SPOCK1: variants seen among roughly 807,000 people sequenced by gnomAD.
SPOCK1 encodes the protein testican-1.
A neutral mutation model predicts 55.3 loss-of-function variants in SPOCK1; 23 were observed. That is an observed-to-expected ratio of 0.42 (90% CI 0.30 to 0.59). SPOCK1 has a LOEUF of 0.59. Among genes scored for constraint, SPOCK1 ranks in the 20% least tolerant of loss-of-function variants. The probability of loss-of-function intolerance (pLI) is 0.22; values close to 1 mark genes in which losing one functional copy is unlikely to be tolerated. For missense variants in SPOCK1, 499 were observed against 552.5 expected (o/e 0.90, Z 0.97); for synonymous variants, 226 against 221.0 (o/e 1.02, Z -0.20).
chr5:137,364,023 C>G (rs1468475117), intron 2 of SPOCK1, among the ~76,000 whole-genome samples: 5 of 152,218 alleles, frequency 3.3e-5, no homozygotes, highest in African/African-American at 1.2e-4. Context: ...TCCCAGGGCC[C>G]TGCACCTGCC....
At chr5:137,201,057 A>G (rs1427865679) in intron 3 of SPOCK1, among the ~76,000 whole-genome samples, 7 of 152,224 alleles carry the variant, frequency 4.6e-5, no homozygotes, top group Non-Finnish European at 1.5e-5. Context: ...AATAACAACA[A>G]AAAGGAAACA....
intron 4 of SPOCK1, among the ~76,000 whole-genome samples, chr5:137,133,334 C>T (rs1371265921): frequency 1.3e-5 from 2 of 149,692 alleles, no homozygotes; most frequent in African/African-American, 4.9e-5. Flanking sequence ...TGCACCACTG[C>T]ACTCCAGCCT....
chr5:137,347,962 T>TAGG (rs1750596807), intron 2 of SPOCK1, among the ~76,000 whole-genome samples: 1 of 152,304 alleles, frequency 6.6e-6, no homozygotes, highest in Non-Finnish European at 1.5e-5. Flanking sequence ...AAAATGCACA[T>TAGG]TCTGATTCAG....
chr5:137,120,856 A>G (rs1344000790), intron 4 of SPOCK1, among the ~76,000 whole-genome samples: 1 of 152,216 alleles, frequency 6.6e-6, no homozygotes, highest in Non-Finnish European at 1.5e-5. Context: ...TAAAGAAACC[A>G]AAGTTGTCAC....
At chr5:137,045,025 T>G (rs1177664331) in intron 6 of SPOCK1, among the ~76,000 whole-genome samples, 2 of 135,288 alleles carry the variant, frequency 1.5e-5, no homozygotes, top group African/African-American at 2.8e-5. Flanking sequence ...TGCCACATTT[T>G]CTTAATCCAG....
chr5:137,404,575 A>ATTTT (rs67609274), intron 2 of SPOCK1, among the ~76,000 whole-genome samples: 22 of 137,850 alleles, frequency 1.6e-4, no homozygotes, highest in African/African-American at 5.7e-4. Flanking sequence ...CACCCAGCTA[A>ATTTT]TTTTTTTTTT....
At chr5:137,361,553 C>A (rs1212406742) in intron 2 of SPOCK1, among the ~76,000 whole-genome samples, 1 of 152,000 alleles carries the variant, frequency 6.6e-6, no homozygotes, top group Non-Finnish European at 1.5e-5. Context: ...AGTAAAAATG[C>A]AGGAAATAAA....
At chr5:137,426,647 T>C (rs1048934578) in intron 2 of SPOCK1, among the ~76,000 whole-genome samples, 1 of 152,178 alleles carries the variant, frequency 6.6e-6, no homozygotes, top group Non-Finnish European at 1.5e-5. Flanking sequence ...AAACATCATA[T>C]ACCTATAGGC....
At chr5:137,342,633 G>A (rs779390577) in intron 2 of SPOCK1, among the ~76,000 whole-genome samples, 1 of 152,176 alleles carries the variant, frequency 6.6e-6, no homozygotes, top group Non-Finnish European at 1.5e-5. Context: ...AAGAAAATGA[G>A]GGTCTTCACA....
rs1750654809 is a variant in SPOCK1, at chr5:136,978,221, T to C, written c.*433A>G. 3.1e-6 allele frequency: 1 copy of C among 318,962 alleles called. No homozygotes were observed. The highest frequency in any genetic ancestry group is 4.8e-5 in the East Asian group (1 of 20,928). 19.8% of individuals were successfully genotyped at this position (318,962 alleles called of 1,614,324 possible). ...TTGTTTTTTTCTTTTTCACAACATC[T>C]ACAGGACACAAGAGAAGCACTTAGA... On this transcript the variant is annotated 3_prime_UTR_variant, in exon 11 of 11. Transcript: ENST00000394945.
At chr5:137,316,579 C>G (rs890866254) in intron 2 of SPOCK1, among the ~76,000 whole-genome samples, 4 of 152,204 alleles carry the variant, frequency 2.6e-5, no homozygotes, top group Non-Finnish European at 2.9e-5. Flanking sequence ...TTGTGACTCA[C>G]AGTTTATTAT....
At chr5:137,419,829 C>T (rs1281545782) in intron 2 of SPOCK1, among the ~76,000 whole-genome samples, 1 of 152,148 alleles carries the variant, frequency 6.6e-6, no homozygotes, top group East Asian at 1.9e-4. Flanking sequence ...CCAGAACTTC[C>T]AACACTATGT....
chr5:137,406,713 C>T (rs145251253), intron 2 of SPOCK1, among the ~76,000 whole-genome samples: 70 of 152,288 alleles, frequency 4.6e-4, no homozygotes, highest in Non-Finnish European at 9.0e-4. Context: ...TAGTTAGGGG[C>T]CAAGAACACA....
intron 6 of SPOCK1, among the ~76,000 whole-genome samples, 168 bp downstream of exon 6, chr5:137,067,547 G>A (rs545127019): frequency 1.3e-5 from 2 of 152,252 alleles, no homozygotes; most frequent in South Asian, 2.1e-4. Context: ...CTTTTTAATG[G>A]TAGTTGAAGG....
intron 6 of SPOCK1, among the ~76,000 whole-genome samples, chr5:137,016,443 G>T (rs774946516): frequency 4.6e-5 from 7 of 152,124 alleles, no homozygotes; most frequent in African/African-American, 1.2e-4. Flanking sequence ...TAGATAATAC[G>T]TTCATAAGTT....
At position 137,348,934 on chromosome 5, in the gene SPOCK1, G is replaced by A. The variant is rs776087676; in HGVS notation, c.187-81879C>T. ...ATACAGCTCTAACACTGCCCTCCTTGCCCTAAGCCGTCCAACAAGCTCAGC... is the reference window on the plus strand; with the variant it reads ...ATACAGCTCTAACACTGCCCTCCTTACCCTAAGCCGTCCAACAAGCTCAGC... On this transcript the variant is annotated intron_variant, in intron 2 of 10. Coordinates refer to ENST00000394945, the MANE Select transcript of SPOCK1 (RefSeq NM_004598.4). 3.9e-5 allele frequency among the ~76,000 whole-genome samples: 6 copies of A among 152,064 alleles called. 1 individual carries two copies. The highest frequency in any genetic ancestry group is 6.8e-3 in the Middle Eastern group (2 of 294).
At chr5:137,456,656 C>T (rs996723562) in intron 2 of SPOCK1, among the ~76,000 whole-genome samples, 1 of 152,144 alleles carries the variant, frequency 6.6e-6, no homozygotes, top group South Asian at 2.1e-4. Flanking sequence ...AGGAGAAAGT[C>T]TTTGTCCTCA....
At chr5:137,055,367 A>C (rs1752280762) in intron 6 of SPOCK1, among the ~76,000 whole-genome samples, 1 of 151,608 alleles carries the variant, frequency 6.6e-6, no homozygotes, top group African/African-American at 2.4e-5. Context: ...ATTTTAGGGC[A>C]AAAAAAACCC....
At chr5:137,338,930 G>A (rs1750352199) in intron 2 of SPOCK1, among the ~76,000 whole-genome samples, 1 of 152,182 alleles carries the variant, frequency 6.6e-6, no homozygotes, top group South Asian at 2.1e-4. Flanking sequence ...GTGCATCAAA[G>A]GGACTGTCAA....
Sources: allele counts gnomAD v4.1 joint callset (sites outside exome capture counted in the v4.1 genomes callset), GRCh38; gene constraint gnomAD v4.1.1; transcripts MANE v1.5; gene names NCBI Gene and HGNC (gene_info 2026-07-23, HGNC 2026-07-21).